AUTS2: variants seen among roughly 807,000 people sequenced by gnomAD.
AUTS2 encodes the protein activator of transcription and developmental regulator AUTS2, also known as autism susceptibility gene 2 protein.
Under a neutral mutation model 112.4 loss-of-function variants are expected in AUTS2, and 17 were observed. The observed-to-expected ratio is 0.15, with a 90% CI of 0.10 to 0.23. The LOEUF (loss-of-function observed/expected upper bound fraction) is 0.23. Among genes scored for constraint, AUTS2 ranks in the 10% least tolerant of loss-of-function variants. The pLI, the probability that AUTS2 is intolerant of heterozygous loss-of-function variation, is 1.00. For missense variants in AUTS2, 1,510 were observed against 1,701.6 expected (o/e 0.89, Z 1.98); for synonymous variants, 751 against 702.7 (o/e 1.07, Z -1.09).
intron 2 of AUTS2, among the ~76,000 whole-genome samples, chr7:69,957,258 C>CA (rs1490752252): frequency 1.3e-5 from 2 of 151,546 alleles, no homozygotes; most frequent in Non-Finnish European, 2.9e-5. Flanking sequence ...AGGAAAATGA[C>CA]AGAGTTGACT....
At chr7:70,562,023 A>C (rs1440989678) in intron 5 of AUTS2, among the ~76,000 whole-genome samples, 1 of 152,118 alleles carries the variant, frequency 6.6e-6, no homozygotes, top group Non-Finnish European at 1.5e-5. Context: ...CTGCTTGTTT[A>C]AAAAAGCCTG....
At chr7:70,396,415 C>G (rs1443933097) in intron 4 of AUTS2, among the ~76,000 whole-genome samples, 1 of 148,446 alleles carries the variant, frequency 6.7e-6, no homozygotes, top group Non-Finnish European at 1.5e-5. Flanking sequence ...CTCTTTCTGT[C>G]ACCCAGGCTG....
At chr7:70,344,742 AT>A (rs1040278532) in intron 4 of AUTS2, among the ~76,000 whole-genome samples, 9 of 151,980 alleles carry the variant, frequency 5.9e-5, no homozygotes, top group African/African-American at 1.7e-4. Context: ...CTGCAAAACC[AT>A]TTTTTTTGGA....
chr7:70,292,852 A>G (rs1198268854), intron 4 of AUTS2: 2 of 152,202 alleles, frequency 1.3e-5, no homozygotes, highest in Non-Finnish European at 2.9e-5. Context: ...CCCCTTGTGC[A>G]GCTTTCTATT....
chr7:70,194,839 C>T (rs1810090987), intron 4 of AUTS2: 1 of 152,194 alleles, frequency 6.6e-6, no homozygotes, highest in Admixed American at 6.5e-5. Context: ...CTGGTGAGTT[C>T]TAGCAGGGTT....
At chr7:69,838,125 G>T (rs1468144972) in intron 1 of AUTS2, among the ~76,000 whole-genome samples, 1 of 152,158 alleles carries the variant, frequency 6.6e-6, no homozygotes, top group Non-Finnish European at 1.5e-5. Context: ...GACAACTGGA[G>T]GGGTTATATA....
chr7:69,672,287 G>C (rs1295456946), intron 1 of AUTS2, among the ~76,000 whole-genome samples: 2 of 152,072 alleles, frequency 1.3e-5, no homozygotes, highest in South Asian at 4.2e-4. Flanking sequence ...TCGAACTCCC[G>C]ACCTCAGGTG....
intron 1 of AUTS2, among the ~76,000 whole-genome samples, chr7:69,865,967 T>A (rs2129533970): frequency 6.6e-6 from 1 of 152,328 alleles, no homozygotes; most frequent in East Asian, 1.9e-4. Flanking sequence ...ATTGTATTCA[T>A]GTTTGTAGTC....
chr7:70,552,231 T>C (rs189999266), intron 5 of AUTS2, among the ~76,000 whole-genome samples: 1 of 152,338 alleles, frequency 6.6e-6, no homozygotes, highest in Admixed American at 6.5e-5. Flanking sequence ...AGGATTTTTT[T>C]GTTGTTGTTA....
intron 5 of AUTS2, among the ~76,000 whole-genome samples, chr7:70,535,593 T>C (rs1800284541): frequency 6.6e-6 from 1 of 152,112 alleles, no homozygotes; most frequent in African/African-American, 2.4e-5. Context: ...TTTTGTATTT[T>C]TAGTAGAGAC....
At chr7:70,621,818 C>T (rs1229965969) in intron 5 of AUTS2, among the ~76,000 whole-genome samples, 4 of 132,844 alleles carry the variant, frequency 3.0e-5, no homozygotes, top group South Asian at 2.7e-4. Flanking sequence ...GGCAGGCTTA[C>T]GTTAGTGCAT....
intron 5 of AUTS2, among the ~76,000 whole-genome samples, chr7:70,493,395 G>A (rs1159748940): frequency 6.6e-6 from 1 of 152,218 alleles, no homozygotes; most frequent in Non-Finnish European, 1.5e-5. Flanking sequence ...GGCTAAGTGA[G>A]TGCATGGATA....
At position 70,775,353 on chromosome 7, in the gene AUTS2, A is replaced by G. The variant is rs1296793049; in HGVS notation, c.1903-4A>G. The stretch of plus-strand genomic sequence containing the variant: ...GTAACCAAGTTGTCATTTTCTCTTC[A>G]CAGTTGACAGATCCTTTCAGACCTA... On this transcript the variant is annotated splice_region_variant and splice_polypyrimidine_tract_variant and intron_variant, in intron 12 of 18. Coordinates refer to ENST00000342771, the MANE Select transcript of AUTS2 (RefSeq NM_015570.4). 1 of 1,612,642 alleles carries G rather than the reference A, an allele frequency of 6.2e-7. No homozygotes were observed. The highest frequency in any genetic ancestry group is 8.5e-7 in the Non-Finnish European group (1 of 1,179,494).
intron 5 of AUTS2, among the ~76,000 whole-genome samples, chr7:70,483,234 A>AC (rs35985975): frequency 0.41 from 62,420 of 151,486 alleles, 13,101 homozygotes; most frequent in African/African-American, 0.46. Flanking sequence ...GGGTCAAGCA[A>AC]CCCCACCTTG....
intron 1 of AUTS2, among the ~76,000 whole-genome samples, chr7:69,621,831 T>G (rs528727158): frequency 2.0e-5 from 3 of 152,258 alleles, no homozygotes; most frequent in African/African-American, 7.2e-5. Context: ...GGAGAAAGTA[T>G]TTGAGGAAAT....
At chr7:70,227,241 C>T (rs903726159) in intron 4 of AUTS2, among the ~76,000 whole-genome samples, 3 of 151,524 alleles carry the variant, frequency 2.0e-5, no homozygotes, top group African/African-American at 7.3e-5. Flanking sequence ...ATAAATAATA[C>T]TTACACCCCT....
chr7:70,734,067 G>A (rs570241602), intron 6 of AUTS2, among the ~76,000 whole-genome samples: 1 of 152,170 alleles, frequency 6.6e-6, no homozygotes, highest in Admixed American at 6.5e-5. Context: ...GAGAGCAAGG[G>A]CCTTGATTCT....
intron 2 of AUTS2, among the ~76,000 whole-genome samples, chr7:70,106,781 G>A (rs1052511861): frequency 4.6e-5 from 7 of 152,060 alleles, no homozygotes; most frequent in African/African-American, 1.7e-4. Flanking sequence ...TATAAAGGTT[G>A]TTGTTGTTAT....
At chr7:69,713,460 G>GT (rs764107255) in intron 1 of AUTS2, among the ~76,000 whole-genome samples, 2,426 of 135,710 alleles carry the variant, frequency 0.018, 34 homozygotes, top group East Asian at 0.083. Context: ...GCTTTCAAGA[G>GT]TTTTTTTTTT....
Sources: allele counts gnomAD v4.1 joint callset (sites outside exome capture counted in the v4.1 genomes callset), GRCh38; gene constraint gnomAD v4.1.1; transcripts MANE v1.5; gene names NCBI Gene and HGNC (gene_info 2026-07-23, HGNC 2026-07-21).